Variants in NEO1 observed in about 807,000 individuals in gnomAD.
The protein encoded by NEO1 is neogenin.
NEO1 carries 63 observed loss-of-function variants against 159.7 expected under a neutral mutation model. The ratio of observed to expected loss-of-function variants is 0.39; its 90% CI spans 0.32 to 0.49. The LOEUF is 0.49. NEO1 is among the 20% of genes least tolerant of loss of function. The pLI is 0.85. For missense variants in NEO1, 1,615 were observed against 1,831.0 expected, an observed-to-expected ratio of 0.88 and a Z score of 2.15; for synonymous variants, 633 against 662.0, an observed-to-expected ratio of 0.96 and a Z score of 0.67.
Position 73,210,397 on chromosome 15 carries a change from A to G in NEO1, c.1292-25950A>G, listed in dbSNP as rs557713475. On this transcript the variant is annotated intron_variant, in intron 7 of 28. Coordinates refer to ENST00000261908, the MANE Select transcript of NEO1 (RefSeq NM_002499.4). ...GAATCCAGAAGGCAAGTTGGGCCTC[A>G]TTGGCACCAACCATCAAGGACTTCA... Among the ~76,000 whole-genome samples, 5 of 152,336 alleles carry G rather than the reference A, an allele frequency of 3.3e-5. No homozygotes were observed. The South Asian group carries it at 1.0e-3, about 32-fold the overall frequency.
chr15:73,104,663 G>A (rs1229955034), intron 1 of NEO1, among the ~76,000 whole-genome samples: 2 of 152,150 alleles, frequency 1.3e-5, no homozygotes, highest in Non-Finnish European at 2.9e-5. Context: ...TTCTCACACT[G>A]CTATAAGGAA....
At position 73,301,407 on chromosome 15, in the gene NEO1, A is replaced by G; in HGVS notation, c.4252A>G (p.Ser1418Gly). ...SRPPMPVVVP[S>G]APEVQETTRM... ...GCCTCCTATGCCAGTGGTTGTTCCC[A>G]GTGCCCCTGAAGTGCAGGAGACCAC... is the stretch of plus-strand genomic sequence containing the variant. The change falls in exon 28 of 29, where the codon AGT becomes GGT. Residue 1418 changes from serine (S) to glycine (G), a missense_variant. Ser to Gly is a moderately conservative substitution (Grantham distance 56, BLOSUM62 0). This residue lies in a region of NEO1 where 471 missense variants were observed against 498.9 expected (regional missense o/e 0.94). Transcript: ENST00000261908. 6.2e-7 allele frequency: 1 copy of G among 1,614,188 alleles called. No homozygotes were observed. The highest frequency in any genetic ancestry group is 8.5e-7 in the Non-Finnish European group (1 of 1,180,016).
intron 4 of NEO1, among the ~76,000 whole-genome samples, chr15:73,127,203 C>T (rs1305387288): frequency 6.7e-6 from 1 of 150,242 alleles, no homozygotes; most frequent in Admixed American, 6.6e-5. Flanking sequence ...TGCACTCTAG[C>T]CTGGGCGAGA....
intron 11 of NEO1, among the ~76,000 whole-genome samples, chr15:73,251,064 T>C (rs997650456): frequency 6.6e-6 from 1 of 152,200 alleles, no homozygotes; most frequent in African/African-American, 2.4e-5. Flanking sequence ...TCAGAAACAA[T>C]ATGTAGATAG....
rs184102103 is a variant in NEO1, at chr15:73,117,575, C to T, written c.448+718C>T. ...GTTATCTTTAAGTCCTGTATTTACTCTCACCTTGGTGAAACGCCCACGTGT... is the reference window on the plus strand; with the variant it reads ...GTTATCTTTAAGTCCTGTATTTACTTTCACCTTGGTGAAACGCCCACGTGT... On this transcript the variant is annotated intron_variant, in intron 2 of 28. Transcript: ENST00000261908. Among the ~76,000 whole-genome samples the T allele has an allele frequency of 1.3e-4, 20 of 152,338 alleles. No homozygotes were observed. In the East Asian group the frequency reaches 3.3e-3, roughly 25 times the overall value.
chr15:73,098,774 C>T (rs1203714934), intron 1 of NEO1, among the ~76,000 whole-genome samples: 2 of 152,156 alleles, frequency 1.3e-5, no homozygotes, highest in Admixed American at 1.3e-4. Context: ...GATTCATAGA[C>T]ATGGGATTGC....
chr15:73,170,790 G>A (rs2034906688), intron 5 of NEO1, among the ~76,000 whole-genome samples: 1 of 152,106 alleles, frequency 6.6e-6, no homozygotes, highest in African/African-American at 2.4e-5. Flanking sequence ...GATAATTGTG[G>A]GGTTATCCTA....
chr15:73,054,186 A>G (rs553059873), intron 1 of NEO1, among the ~76,000 whole-genome samples: 1 of 152,336 alleles, frequency 6.6e-6, no homozygotes, highest in East Asian at 1.9e-4. Context: ...GAGAAATATA[A>G]CTATTTTGGA....
intron 7 of NEO1, among the ~76,000 whole-genome samples, chr15:73,216,969 A>G (rs1437588658): frequency 2.6e-5 from 4 of 151,666 alleles, no homozygotes; most frequent in Non-Finnish European, 1.5e-5. Context: ...TTTTGTTGCC[A>G]TTGCTTTTGG....
intron 1 of NEO1, among the ~76,000 whole-genome samples, chr15:73,103,023 A>G (rs139128239): frequency 1.3e-5 from 2 of 151,918 alleles, no homozygotes; most frequent in African/African-American, 4.8e-5. Context: ...TTACTTTCGC[A>G]TTTATTCAGT....
intron 5 of NEO1, 110 bp downstream of exon 5, chr15:73,136,137 A>G (rs1036871243): frequency 4.4e-6 from 4 of 917,908 alleles, no homozygotes; most frequent in Admixed American, 2.9e-5. Context: ...AATTAAAAGC[A>G]TAACTCCTAG....
intron 21 of NEO1, among the ~76,000 whole-genome samples, chr15:73,277,682 C>T (rs1421400378): frequency 1.3e-5 from 2 of 152,170 alleles, no homozygotes; most frequent in Non-Finnish European, 2.9e-5. Context: ...ATACTAACAC[C>T]TGCTAGGTCA....
At position 73,176,499 on chromosome 15, in the gene NEO1, C is replaced by G. The variant is rs149313472; in HGVS notation, c.1112C>G (p.Thr371Ser). 6.2e-7 allele frequency: 1 copy of G among 1,611,354 alleles called. No individual in the cohort carries two copies. Among genetic ancestry groups the G allele is most frequent in the Admixed American group, 1.7e-5 (1 of 59,728 alleles). The part of the protein sequence containing the change: ...ECEVTGKPTP[T>S]VKWVKNGDMV... ...GAAGTGACTGGAAAACCAACTCCAA[C>G]TGTGAAGTGGGTCAAAAATGGGGAT... Residue 371 changes from threonine (T) to serine (S), a missense_variant, in exon 6 of 29, where the codon ACT becomes AGT. This residue lies in a region of NEO1 where 1,018 missense variants were observed against 1,115.4 expected (regional missense o/e 0.91). Coordinates refer to ENST00000261908, the MANE Select transcript of NEO1 (RefSeq NM_002499.4).
chr15:73,096,352 G>A (rs954542210), intron 1 of NEO1, among the ~76,000 whole-genome samples: 5 of 152,186 alleles, frequency 3.3e-5, no homozygotes, highest in African/African-American at 1.2e-4. Flanking sequence ...TTAGACAAGT[G>A]GGCTCAAGAT....
chr15:73,119,072 A>G (rs1437722561), intron 2 of NEO1, among the ~76,000 whole-genome samples: 1 of 152,264 alleles, frequency 6.6e-6, no homozygotes, highest in South Asian at 2.1e-4. Flanking sequence ...TAGTGTTACC[A>G]TATGACCTAG....
chr15:73,195,508 A>G (rs1368221937), intron 7 of NEO1, among the ~76,000 whole-genome samples: 3 of 152,200 alleles, frequency 2.0e-5, no homozygotes, highest in African/African-American at 4.8e-5. Context: ...AAAGTATAAT[A>G]TAATTTGATA....
intron 7 of NEO1, among the ~76,000 whole-genome samples, chr15:73,235,273 C>A (rs1219962273): frequency 6.6e-6 from 1 of 152,174 alleles, no homozygotes; most frequent in East Asian, 1.9e-4. Flanking sequence ...ACTAATTTCC[C>A]TTTTAATGTT....
At chr15:73,111,296 A>G (rs2070974256) in intron 1 of NEO1, among the ~76,000 whole-genome samples, 1 of 152,220 alleles carries the variant, frequency 6.6e-6, no homozygotes, top group South Asian at 2.1e-4. Flanking sequence ...TTATTTATGT[A>G]TCTTGACAAT....
intron 7 of NEO1, among the ~76,000 whole-genome samples, chr15:73,218,534 C>T (rs1003903436): frequency 2.0e-5 from 3 of 151,872 alleles, no homozygotes; most frequent in African/African-American, 7.3e-5. Context: ...TGGTAGAATT[C>T]GGCTGTGATT....
Sources: gnomAD v4.1 joint callset for allele counts (sites outside exome capture counted in the v4.1 genomes callset) on GRCh38, gnomAD v4.1.1 for gene constraint, gnomAD v4.1.1 regional missense constraint, MANE v1.5 for transcripts, NCBI Gene and HGNC (gene_info 2026-07-23, HGNC 2026-07-21) for gene names.